The following DEPDC5 variants were observed in gnomAD, a reference collection of about 807,000 sequenced individuals.
The protein encoded by DEPDC5 is GATOR1 complex protein DEPDC5.
A neutral mutation model predicts 217.3 loss-of-function variants in DEPDC5; 73 were observed. The observed-to-expected ratio is 0.34, with a 90% CI of 0.28 to 0.41. The LOEUF (loss-of-function observed/expected upper bound fraction) is 0.41, where lower values mean the gene tolerates loss of function less well. DEPDC5 is among the 10% of genes least tolerant of loss of function. The pLI is 1.00. For synonymous variants in DEPDC5, 733 were observed against 756.7 expected, an observed-to-expected ratio of 0.97 and a Z score of 0.51; for missense variants, 1,675 against 2,070.1, an observed-to-expected ratio of 0.81 and a Z score of 3.70.
chr22:31,815,634 A>G, intron 21 of DEPDC5: 1 of 581,664 alleles, frequency 1.7e-6, no homozygotes, highest in South Asian at 2.3e-5. Context: ...CCTGGACTCA[A>G]TTGATCCTCC....
intron 26 of DEPDC5, among the ~76,000 whole-genome samples, chr22:31,838,437 G>T (rs1313802859): frequency 6.6e-6 from 1 of 152,044 alleles, no homozygotes; most frequent in Non-Finnish European, 1.5e-5. Context: ...TAGAGACAGG[G>T]TTTTGCCATG....
chr22:31,814,556 A>G (rs2088843225), intron 20 of DEPDC5: 1 of 183,136 alleles, frequency 5.5e-6, no homozygotes, highest in South Asian at 1.2e-4. Flanking sequence ...GTTTTCCTCT[A>G]TTCTGCAGAT....
In DEPDC5 at chr22:31,906,184, G is replaced by A; in HGVS notation, c.4520-21G>A. On this transcript the variant is annotated intron_variant, in intron 42 of 42. Coordinates refer to ENST00000651528, the MANE Select transcript of DEPDC5 (RefSeq NM_001242896.3). This position sits in a 1 kb window ranked among gnomAD's most constrained non-coding sequence, Gnocchi z 5.1. ...GAGCCCTCCTGGTGGCTGCCACACA[G>A]GCGCTCCCCTTTCTCTTCAGGAACA... 1 of 1,613,062 alleles carries A rather than the reference G, an allele frequency of 6.2e-7. No individual in the cohort carries two copies. The highest frequency in any genetic ancestry group is 8.5e-7 in the Non-Finnish European group (1 of 1,179,260).
chr22:31,840,414 G>A (rs567080507), intron 27 of DEPDC5, among the ~76,000 whole-genome samples: 11 of 152,316 alleles, frequency 7.2e-5, no homozygotes, highest in East Asian at 3.9e-4. Flanking sequence ...GGAATAAGCC[G>A]GAGGTGCAGC....
At chr22:31,792,178 T>C in intron 11 of DEPDC5, 76 bp downstream of exon 11, 1 of 1,125,732 alleles carries the variant, frequency 8.9e-7, no homozygotes, top group South Asian at 1.3e-5. Context: ...TTTCCTTTCA[T>C]TTTTTTCCTC....
intron 37 of DEPDC5, among the ~76,000 whole-genome samples, chr22:31,876,921 G>A (rs1015813698): frequency 3.3e-5 from 5 of 151,876 alleles, no homozygotes; most frequent in Non-Finnish European, 7.4e-5. Context: ...GGGAGGCCGA[G>A]GCTGGCAGAT....
rs1555943168 is a variant in DEPDC5 at position 31,906,332 on chromosome 22, C to G, written c.4647C>G (p.Ala1549=). ...FCEERVGYNW[A]YNTMLTKTWR... is the part of the protein sequence containing the mutation. Reference sequence around the variant, plus strand: ...AGGAGCGGGTCGGCTACAACTGGGCCTACAACACCATGCTCACCAAAACAT... The same window carrying G: ...AGGAGCGGGTCGGCTACAACTGGGCGTACAACACCATGCTCACCAAAACAT... The change falls in exon 43 of 43, where the codon GCC becomes GCG. Residue 1549 remains alanine, a synonymous_variant. Coordinates refer to ENST00000651528, the MANE Select transcript of DEPDC5 (RefSeq NM_001242896.3). This position sits in a 1 kb window ranked among gnomAD's most constrained non-coding sequence, Gnocchi z 5.1. The G allele has an allele frequency of 6.2e-7, 1 of 1,614,034 alleles. No individual in the cohort carries two copies. Among genetic ancestry groups the G allele is most frequent in the Non-Finnish European group, 8.5e-7 (1 of 1,179,942 alleles).
intron 25 of DEPDC5, among the ~76,000 whole-genome samples, chr22:31,835,528 T>C (rs967675827): frequency 2.6e-5 from 4 of 152,174 alleles, no homozygotes; most frequent in African/African-American, 4.8e-5. Context: ...GCAGAAAGCA[T>C]TTCTACAAGA....
chr22:31,861,249 AT>A (rs1026677889), intron 32 of DEPDC5, 118 bp from the exon 33 acceptor site: 50 of 523,136 alleles, frequency 9.6e-5, no homozygotes, highest in Non-Finnish European at 1.4e-4. Context: ...CCTTGTTTTT[AT>A]TTTTATTTTT....
chr22:31,877,455 A>AAAC (rs2093030689), intron 37 of DEPDC5, among the ~76,000 whole-genome samples: 2 of 146,596 alleles, frequency 1.4e-5, no homozygotes, highest in Non-Finnish European at 3.0e-5. Context: ...AAAAAAAAAA[A>AAAC]AAAAAAAAAA....
At chr22:31,760,528 T>G in intron 3 of DEPDC5, 128 bp from the exon 4 acceptor site, 1 of 760,838 alleles carries the variant, frequency 1.3e-6, no homozygotes, top group Non-Finnish European at 2.1e-6. Context: ...CTGAGGGAGC[T>G]TTCTCCCGTT....
At chr22:31,781,245 A>C (rs897582030) in intron 8 of DEPDC5, among the ~76,000 whole-genome samples, 13 of 151,874 alleles carry the variant, frequency 8.6e-5, no homozygotes, top group Admixed American at 2.0e-4. Flanking sequence ...AAAAAAAAAA[A>C]AACAAAGAAT....
chr22:31,865,253 G>A (rs2092657104), intron 33 of DEPDC5, among the ~76,000 whole-genome samples: 1 of 152,206 alleles, frequency 6.6e-6, no homozygotes, highest in Non-Finnish European at 1.5e-5. Context: ...CACTTTGAGA[G>A]GTGGAGGCAG....
rs1278012679 is a variant in DEPDC5 at position 31,876,196 on chromosome 22, G to A, written c.3736G>A (p.Glu1246Lys). The change falls in exon 37 of 43, where the codon GAA becomes AAA. Residue 1246 changes from glutamate to lysine, a missense_variant. Glu to Lys is a moderately conservative substitution (Grantham distance 56). This residue lies in a region of DEPDC5 where 194 missense variants were observed against 199.3 expected (regional missense o/e 0.97). Transcript: ENST00000651528. Reference sequence around the variant, plus strand: ...GCAGCTCATCACACATGCATCTGGCGAAGCCTGGCGGACCTTCATCTACGG... The same window carrying A: ...GCAGCTCATCACACATGCATCTGGCAAAGCCTGGCGGACCTTCATCTACGG... The part of the protein sequence containing the change: ...EEQLITHASG[E>K]AWRTFIYGFY... 33 of 1,613,994 alleles carry A rather than the reference G, an allele frequency of 2.0e-5. No individual in the cohort carries two copies. The highest frequency in any genetic ancestry group is 1.7e-4 in the Middle Eastern group (1 of 6,052).
chr22:31,788,480 G>A (rs2085268361), intron 10 of DEPDC5, among the ~76,000 whole-genome samples: 1 of 149,046 alleles, frequency 6.7e-6, no homozygotes, highest in African/African-American at 2.5e-5. Context: ...GTCTCACTAT[G>A]TTATCCAGGC....
In DEPDC5 at chr22:31,792,848, T is replaced by A. The variant is rs376888457; in HGVS notation, c.767+31T>A. Reference sequence around the variant, plus strand: ...TTTGGGTGCTTTGCTATACTTTTTATTTATTTATTAGTTGTTTCTTTCCTA... The same window carrying A: ...TTTGGGTGCTTTGCTATACTTTTTAATTATTTATTAGTTGTTTCTTTCCTA... On this transcript the variant is annotated intron_variant, in intron 12 of 42. Coordinates refer to ENST00000651528, the MANE Select transcript of DEPDC5 (RefSeq NM_001242896.3). 7.9e-5 allele frequency: 116 copies of A among 1,462,308 alleles called. 2 individuals carry two copies. The highest frequency in any genetic ancestry group is 7.8e-4 in the East Asian group (29 of 36,972). 90.6% of individuals were successfully genotyped at this position (1,462,308 alleles called of 1,614,324 possible). A position where few individuals can be genotyped will look rare whatever the true frequency, so the allele number is the denominator to read the frequency against.
At chr22:31,879,461 A>T in intron 37 of DEPDC5, 64 bp from the exon 38 acceptor site, 1 of 1,462,128 alleles carries the variant, frequency 6.8e-7, no homozygotes, top group African/African-American at 1.4e-5. Flanking sequence ...AAGTTGTAGC[A>T]TGCATCATGA....
At chr22:31,822,821 AT>A in intron 24 of DEPDC5, 31 bp downstream of exon 24, 1 of 1,604,670 alleles carries the variant, frequency 6.2e-7, no homozygotes, top group Non-Finnish European at 8.5e-7. Flanking sequence ...TAGAGTTGGG[AT>A]GTTTAGATCA....
rs55851105 is a variant in DEPDC5, at chr22:31,771,715, TCACACACACACACACACACACACACACA to T, written c.413+2891_413+2918del. Among the ~76,000 whole-genome samples the T allele has an allele frequency of 2.0e-3, 160 of 78,086 alleles. No homozygotes were observed. In the Middle Eastern group the frequency reaches 0.026, roughly 13 times the overall value. The allele number at this position is 78,086 out of a possible 152,430, so 51.2% of individuals were successfully genotyped here. ...AGCCTGGTGACAGAGCAAGACTCCG[TCACACACACACACACACACACACACACA>T]CACACACACACACACACACACACAC... On this transcript the variant is annotated intron_variant, in intron 7 of 42. Transcript: ENST00000651528.
Sources: allele counts gnomAD v4.1 joint callset (sites outside exome capture counted in the v4.1 genomes callset), GRCh38; gene constraint gnomAD v4.1.1; regional missense constraint gnomAD v4.1.1; non-coding constraint Gnocchi (gnomAD v3.1); transcripts MANE v1.5; gene names NCBI Gene and HGNC (gene_info 2026-07-23, HGNC 2026-07-21).